The following ZDHHC5 variants were observed in gnomAD, a reference collection of about 807,000 sequenced individuals.
The protein encoded by ZDHHC5 is zDHHC palmitoyltransferase 5.
Under a neutral mutation model 70.0 loss-of-function variants are expected in ZDHHC5, and 22 were observed. That is an observed-to-expected ratio of 0.31 (90% CI 0.22 to 0.45). ZDHHC5 has a LOEUF of 0.45. Ranked by LOEUF, ZDHHC5 falls within the 20% of genes least tolerant of loss-of-function variation. ZDHHC5 has a pLI of 1.00. For synonymous variants in ZDHHC5, 313 were observed against 347.8 expected, an observed-to-expected ratio of 0.90 and a Z score of 1.11; for missense variants, 746 against 926.9, an observed-to-expected ratio of 0.80 and a Z score of 2.53.
In ZDHHC5 at chr11:57,698,702, C is replaced by T. The variant is rs1242588732; in HGVS notation, c.1266C>T (p.Ser422=). 1.9e-6 allele frequency: 3 copies of T among 1,614,100 alleles called. No homozygotes were observed. The highest frequency in any genetic ancestry group is 1.1e-5 in the South Asian group (1 of 91,082). ...AAAGTTTTCACTTCGATCCACTATCCAGTGGCTCACGCTCCTCCAGCCTCA... is the reference window on the plus strand; with the variant it reads ...AAAGTTTTCACTTCGATCCACTATCTAGTGGCTCACGCTCCTCCAGCCTCA... ...FGKSFHFDPL[S]SGSRSSSLKS... is the part of the protein sequence containing the mutation. The change falls in exon 11 of 12, where the codon TCC becomes TCT. Residue 422 remains serine, a synonymous_variant. Coordinates refer to ENST00000287169, the MANE Select transcript of ZDHHC5 (RefSeq NM_015457.3).
intron 8 of ZDHHC5, 67 bp from the exon 9 acceptor site, chr11:57,695,853 T>C: frequency 6.4e-7 from 1 of 1,567,014 alleles, no homozygotes; most frequent in Non-Finnish European, 8.6e-7. Context: ...CTTATATCAA[T>C]TTAATACTTT....
chr11:57,700,004 T>C lies in ZDHHC5; in HGVS notation c.2121T>C (p.Gly707=). 6.2e-7 allele frequency: 1 copy of C among 1,605,908 alleles called. No homozygotes were observed. The change falls in exon 12 of 12, where the codon GGT becomes GGC. Residue 707 remains glycine (G), a synonymous_variant. Coordinates refer to ENST00000287169, the MANE Select transcript of ZDHHC5 (RefSeq NM_015457.3). The part of the protein sequence containing the change: ...RGGVKKVSGV[G]GTTYEISV ...GAGTCAAGAAGGTGTCAGGGGTTGG[T>C]GGTACCACCTATGAGATTTCGGTGT...
chr11:57,673,758 G>T (rs998313858), intron 2 of ZDHHC5, among the ~76,000 whole-genome samples: 2 of 152,156 alleles, frequency 1.3e-5, no homozygotes, highest in East Asian at 3.8e-4. Context: ...TTTCAGTAGA[G>T]ATGGGGTTTC....
rs1945963628 is a variant in ZDHHC5, at chr11:57,668,923, TAGGA to T, written c.-1071+740_-1071+743del. On this transcript the variant is annotated intron_variant, in intron 1 of 11. Coordinates refer to ENST00000287169, the MANE Select transcript of ZDHHC5 (RefSeq NM_015457.3). ...AAGAAGTAAGAAAGTTGCTAAAAGT[TAGGA>T]AGGCAGTTGTAGGATCACATATACG... is the stretch of plus-strand genomic sequence containing the variant. Among the ~76,000 whole-genome samples the T allele has an allele frequency of 3.9e-5, 6 of 152,344 alleles. No homozygotes were observed. The South Asian group carries it at 1.2e-3, about 32-fold the overall frequency.
At position 57,699,343 on chromosome 11, in the gene ZDHHC5, C is replaced by A. The variant is rs1318712636; in HGVS notation, c.1907C>A (p.Ser636Tyr). Residue 636 changes from serine (S) to tyrosine (Y), a missense_variant, in exon 11 of 12, where the codon TCT becomes TAT. Transcript: ENST00000287169. The stretch of plus-strand genomic sequence containing the variant: ...GCCCCATACCTGGGCCGATCGATGT[C>A]TTACAGCAGCCAAAAAGCCCAACCT... ...PTAPYLGRSM[S>Y]YSSQKAQPGV... The A allele has an allele frequency of 6.2e-6, 10 of 1,610,920 alleles. No individual in the cohort carries two copies. The highest frequency in any genetic ancestry group is 1.3e-5 in the African/African-American group (1 of 74,970).
chr11:57,696,703 T>C, intron 9 of ZDHHC5, 58 bp from the exon 10 acceptor site: 2 of 1,491,546 alleles, frequency 1.3e-6, no homozygotes, highest in Non-Finnish European at 1.9e-6. Context: ...TGAGACCCTG[T>C]CTCTTAAACC....
chr11:57,695,328 G>A (rs1428225808), intron 8 of ZDHHC5, among the ~76,000 whole-genome samples: 2 of 152,010 alleles, frequency 1.3e-5, no homozygotes, highest in African/African-American at 4.8e-5. Flanking sequence ...GCTGAGGCAT[G>A]AGAATCGCTT....
At chr11:57,692,161 T>G (rs1370564535) in intron 6 of ZDHHC5, among the ~76,000 whole-genome samples, 1 of 152,104 alleles carries the variant, frequency 6.6e-6, no homozygotes, top group Admixed American at 6.6e-5. Flanking sequence ...GGATTGCAGG[T>G]GCCTGACACC....
rs141258901 is a variant in ZDHHC5 at position 57,688,364 on chromosome 11, A to G, written c.227-144A>G. ...GTGTTGTATAAAGACCTGACCTCAC[A>G]GTCTTATAGTTCCTAGTTCCTAGTC... On this transcript the variant is annotated intron_variant, in intron 3 of 11. Transcript: ENST00000287169. 2.1e-5 allele frequency: 20 copies of G among 930,826 alleles called. No homozygotes were observed. In the Middle Eastern group the frequency reaches 1.1e-3, roughly 51 times the overall value. 57.7% of individuals were successfully genotyped at this position (930,826 alleles called of 1,614,324 possible). A position where few individuals can be genotyped will look rare whatever the true frequency, so the allele number is the denominator to read the frequency against.
chr11:57,686,497 G>A (rs1946209845), intron 3 of ZDHHC5, among the ~76,000 whole-genome samples: 1 of 151,804 alleles, frequency 6.6e-6, no homozygotes, highest in Non-Finnish European at 1.5e-5. Flanking sequence ...TGTATTTTTA[G>A]TAGAGATGGG....
chr11:57,680,458 A>G (rs1946136074), intron 2 of ZDHHC5, among the ~76,000 whole-genome samples: 2 of 152,224 alleles, frequency 1.3e-5, no homozygotes, highest in Admixed American at 1.3e-4. Flanking sequence ...TCTTACTCTC[A>G]TTAGTTTCTC....
At chr11:57,682,945 A>T (rs1205864012) in intron 3 of ZDHHC5, among the ~76,000 whole-genome samples, 1 of 152,240 alleles carries the variant, frequency 6.6e-6, no homozygotes, top group Non-Finnish European at 1.5e-5. Context: ...GGCAAGAGCA[A>T]GGTTCTGTGA....
intron 10 of ZDHHC5, among the ~76,000 whole-genome samples, chr11:57,697,287 C>T (rs1946365254): frequency 6.6e-6 from 1 of 151,800 alleles, no homozygotes; most frequent in African/African-American, 2.4e-5. Flanking sequence ...ATGGTGAAAC[C>T]CCGTCTCTAC....
Position 57,696,764 on chromosome 11 carries a change from G to A in ZDHHC5, c.1013G>A (p.Ser338Asn). The change falls in exon 10 of 12, where the codon AGT becomes AAT. Residue 338 changes from serine to asparagine, a missense_variant. By Grantham distance (46) the Ser-to-Asn change is conservative. Coordinates refer to ENST00000287169, the MANE Select transcript of ZDHHC5 (RefSeq NM_015457.3). ...CCCTTGGCCTTTTTTCTTGCAGATA[G>A]TAGCTTATTGGCCAAGGACAGCCCC... ...THLGLATNED[S>N]SLLAKDSPPT... 6.2e-7 allele frequency: 1 copy of A among 1,613,636 alleles called. No individual in the cohort carries two copies. Among genetic ancestry groups the A allele is most frequent in the African/African-American group, 1.3e-5 (1 of 75,032 alleles).
intron 1 of ZDHHC5, among the ~76,000 whole-genome samples, chr11:57,669,098 C>G (rs1414705497): frequency 6.6e-6 from 1 of 152,198 alleles, no homozygotes; most frequent in African/African-American, 2.4e-5. Flanking sequence ...CTCATTATCA[C>G]CCATTGTATA....
intron 1 of ZDHHC5, among the ~76,000 whole-genome samples, chr11:57,671,585 G>T (rs1946007044): frequency 6.6e-6 from 1 of 152,226 alleles, no homozygotes; most frequent in Non-Finnish European, 1.5e-5. Context: ...GAAAGAAAAT[G>T]AGACTTGCTT....
At chr11:57,693,313 G>A (rs1371627626) in intron 7 of ZDHHC5, among the ~76,000 whole-genome samples, 5 of 152,108 alleles carry the variant, frequency 3.3e-5, no homozygotes, top group African/African-American at 7.2e-5. Flanking sequence ...GGGTTCTAGG[G>A]TTTGCGCTCC....
chr11:57,699,103 C>A lies in ZDHHC5; in HGVS notation c.1667C>A (p.Pro556Gln), dbSNP rs779516734. The change falls in exon 11 of 12, where the codon CCA (proline) becomes CAA (glutamine). Residue 556 changes from proline (P) to glutamine (Q), a missense_variant. Coordinates refer to ENST00000287169, the MANE Select transcript of ZDHHC5 (RefSeq NM_015457.3). ...EREKLLRQSP[P>Q]LPGREEEPGL... Reference sequence around the variant, plus strand: ...GAGAAGTTGCTGCGCCAGTCACCCCCACTCCCGGGCCGTGAGGAAGAACCA... The same window carrying A: ...GAGAAGTTGCTGCGCCAGTCACCCCAACTCCCGGGCCGTGAGGAAGAACCA... 6 of 1,613,788 alleles carry A rather than the reference C, an allele frequency of 3.7e-6. No individual in the cohort carries two copies. The highest frequency in any genetic ancestry group is 1.7e-5 in the Admixed American group (1 of 59,986).
At position 57,699,090 on chromosome 11, in the gene ZDHHC5, C is replaced by T. The variant is rs777273946; in HGVS notation, c.1654C>T (p.Arg552Cys). 2.4e-5 allele frequency: 38 copies of T among 1,613,474 alleles called. No homozygotes were observed. The highest frequency in any genetic ancestry group is 4.0e-5 in the African/African-American group (3 of 74,926). Residue 552 changes from arginine (R) to cysteine (C), a missense_variant, in exon 11 of 12, where the codon CGC (arginine) becomes TGC (cysteine). Coordinates refer to ENST00000287169, the MANE Select transcript of ZDHHC5 (RefSeq NM_015457.3). Reference sequence around the variant, plus strand: ...TCTCCAGGAACGAGAGAAGTTGCTGCGCCAGTCACCCCCACTCCCGGGCCG... The same window carrying T: ...TCTCCAGGAACGAGAGAAGTTGCTGTGCCAGTCACCCCCACTCCCGGGCCG... ...ASLQEREKLLRQSPPLPGREE... is the reference protein window; with the variant it reads ...ASLQEREKLLCQSPPLPGREE...
Sources: gnomAD v4.1 joint callset for allele counts (sites outside exome capture counted in the v4.1 genomes callset) on GRCh38, gnomAD v4.1.1 for gene constraint, MANE v1.5 for transcripts, NCBI Gene and HGNC (gene_info 2026-07-23, HGNC 2026-07-21) for gene names.